Variants in CDH12 observed in about 807,000 individuals in gnomAD.
The protein encoded by CDH12 is cadherin-12.
A neutral mutation model predicts 74.1 loss-of-function variants in CDH12; 41 were observed. The ratio of observed to expected loss-of-function variants is 0.55; its 90% CI spans 0.43 to 0.72. The LOEUF (loss-of-function observed/expected upper bound fraction) is 0.72. Among genes scored for constraint, CDH12 ranks in the 30% least tolerant of loss-of-function variants. The pLI, the probability that CDH12 is intolerant of heterozygous loss-of-function variation, is 0.00. For synonymous variants in CDH12, 399 were observed against 355.0 expected, an observed-to-expected ratio of 1.12 and a Z score of -1.39; for missense variants, 945 against 977.2, an observed-to-expected ratio of 0.97 and a Z score of 0.44.
chr5:22,009,214 C>T (rs1737146284), intron 5 of CDH12, among the ~76,000 whole-genome samples: 1 of 152,202 alleles, frequency 6.6e-6, no homozygotes, highest in South Asian at 2.1e-4. Flanking sequence ...TTTCAGGCTT[C>T]CCAGCTAATG....
chr5:22,098,193 T>C (rs576313191), intron 4 of CDH12, among the ~76,000 whole-genome samples: 2 of 152,280 alleles, frequency 1.3e-5, no homozygotes, highest in South Asian at 4.1e-4. Context: ...ACCTGGGCTG[T>C]ACTGCTGCAA....
chr5:22,661,698 G>A (rs1740357189), intron 1 of CDH12, among the ~76,000 whole-genome samples: 1 of 151,990 alleles, frequency 6.6e-6, no homozygotes, highest in Non-Finnish European at 1.5e-5. Context: ...CAGAAATCAT[G>A]TAACACCATT....
intron 11 of CDH12, among the ~76,000 whole-genome samples, chr5:21,768,891 C>T (rs996385091): frequency 2.0e-5 from 3 of 151,824 alleles, no homozygotes; most frequent in African/African-American, 7.2e-5. Context: ...AAAATATTAA[C>T]GAATTAATTC....
intron 5 of CDH12, among the ~76,000 whole-genome samples, chr5:21,991,864 A>T (rs1385767989): frequency 6.6e-6 from 1 of 151,970 alleles, no homozygotes; most frequent in Non-Finnish European, 1.5e-5. Context: ...TTTTTTTGTC[A>T]AATTTACTGC....
chr5:22,300,901 C>A (rs1012643696), intron 3 of CDH12, among the ~76,000 whole-genome samples: 1 of 152,244 alleles, frequency 6.6e-6, no homozygotes, highest in East Asian at 1.9e-4. Flanking sequence ...TAATATTAAG[C>A]TAAATACGAA....
intron 1 of CDH12, among the ~76,000 whole-genome samples, chr5:22,544,002 T>C (rs1334109727): frequency 6.6e-6 from 1 of 151,836 alleles, no homozygotes; most frequent in African/African-American, 2.4e-5. Flanking sequence ...TAGTCAAAAA[T>C]CAAAGAATTA....
intron 5 of CDH12, among the ~76,000 whole-genome samples, chr5:22,062,414 A>G (rs944360305): frequency 1.2e-4 from 18 of 152,126 alleles, no homozygotes; most frequent in Admixed American, 2.0e-4. Context: ...AAAAATGACT[A>G]TTTCAAAGAT....
intron 1 of CDH12, among the ~76,000 whole-genome samples, chr5:22,568,174 A>T (rs1739379839): frequency 6.6e-6 from 1 of 152,208 alleles, no homozygotes; most frequent in Admixed American, 6.5e-5. Context: ...TAGGCCTTAG[A>T]ATGCCTGAAA....
chr5:22,454,500 G>A (rs1275631846), intron 2 of CDH12, among the ~76,000 whole-genome samples: 1 of 151,842 alleles, frequency 6.6e-6, no homozygotes, highest in Non-Finnish European at 1.5e-5. Flanking sequence ...TTGAGATGGA[G>A]TCTCATTCTG....
intron 5 of CDH12, among the ~76,000 whole-genome samples, chr5:21,978,605 A>G (rs1176608847): frequency 1.3e-5 from 2 of 152,282 alleles, no homozygotes; most frequent in South Asian, 4.1e-4. Context: ...AAGATTTTTA[A>G]AACAAAATAC....
At chr5:22,067,297 A>G (rs1308925688) in intron 5 of CDH12, among the ~76,000 whole-genome samples, 1 of 152,160 alleles carries the variant, frequency 6.6e-6, no homozygotes, top group African/African-American at 2.4e-5. Context: ...TACCTCGTTG[A>G]AATTTGTGGG....
intron 12 of CDH12, among the ~76,000 whole-genome samples, chr5:21,762,051 A>T (rs1744756763): frequency 1.3e-5 from 2 of 152,278 alleles, no homozygotes; most frequent in South Asian, 4.1e-4. Context: ...ATGTCTGCAG[A>T]TCACTCAATT....
intron 1 of CDH12, among the ~76,000 whole-genome samples, chr5:22,828,167 G>A (rs1467900450): frequency 6.6e-6 from 1 of 152,034 alleles, no homozygotes; most frequent in East Asian, 1.9e-4. Flanking sequence ...CATGGCAGCA[G>A]GTGGAAATAA....
At chr5:22,225,240 T>C (rs1230101001) in intron 3 of CDH12, among the ~76,000 whole-genome samples, 1 of 152,104 alleles carries the variant, frequency 6.6e-6, no homozygotes, top group African/African-American at 2.4e-5. Context: ...ATGCTAACGT[T>C]ATAAATATAC....
chr5:22,751,958 A>AC (rs1561004856), intron 1 of CDH12, among the ~76,000 whole-genome samples: 1 of 151,556 alleles, frequency 6.6e-6, no homozygotes, highest in Non-Finnish European at 1.5e-5. Flanking sequence ...GCTATACTCT[A>AC]TTTTTTTTGA....
intron 3 of CDH12, among the ~76,000 whole-genome samples, chr5:22,397,604 G>T (rs1204599922): frequency 2.0e-5 from 3 of 151,994 alleles, no homozygotes; most frequent in African/African-American, 7.2e-5. Flanking sequence ...AGCAAAATAT[G>T]GTAAATCTTT....
At chr5:22,728,876 C>T (rs958253270) in intron 1 of CDH12, among the ~76,000 whole-genome samples, 3 of 151,930 alleles carry the variant, frequency 2.0e-5, no homozygotes, top group Admixed American at 2.0e-4. Flanking sequence ...CATCCTAGTA[C>T]CATACCATTG....
At chr5:22,046,743 C>T (rs1426927373) in intron 5 of CDH12, among the ~76,000 whole-genome samples, 1 of 152,104 alleles carries the variant, frequency 6.6e-6, no homozygotes, top group Non-Finnish European at 1.5e-5. Flanking sequence ...GAATTGTCTG[C>T]ATTAGAAGAA....
At chr5:21,996,879 C>T (rs1274732548) in intron 5 of CDH12, among the ~76,000 whole-genome samples, 3 of 152,022 alleles carry the variant, frequency 2.0e-5, no homozygotes, top group Non-Finnish European at 4.4e-5. Flanking sequence ...CAAGTTCAAG[C>T]TCCAGTAGCA....
Sources: gnomAD v4.1 joint callset for allele counts (sites outside exome capture counted in the v4.1 genomes callset) on GRCh38, gnomAD v4.1.1 for gene constraint, MANE v1.5 for transcripts, NCBI Gene and HGNC (gene_info 2026-07-23, HGNC 2026-07-21) for gene names.